The following IZUMO4 variants were observed in gnomAD, a reference collection of about 807,000 sequenced individuals.
IZUMO4 encodes the protein izumo sperm-egg fusion protein 4.
In IZUMO4, 51 loss-of-function variants were observed where a neutral mutation model predicts 37.1. The observed-to-expected ratio is 1.38, with a 90% CI of 1.10 to 1.74. IZUMO4 has a LOEUF of 1.74. Ranked by LOEUF, IZUMO4 falls within the 40% of genes most tolerant of loss-of-function variation. IZUMO4 has a pLI of 0.00. For synonymous variants in IZUMO4, 162 were observed against 121.4 expected (o/e 1.33, Z -2.20); for missense variants, 364 against 299.6 (o/e 1.21, Z -1.59).
rs978303675 is a variant in IZUMO4, at chr19:2,097,810, C to T, written c.371-119C>T. The stretch of plus-strand genomic sequence containing the variant: ...GCCATGGACACACATACATGAAAAC[C>T]AGGTGAGCCTGGGCCCCAGTGCCGA... On this transcript the variant is annotated intron_variant, in intron 3 of 9. Coordinates refer to ENST00000395301, the MANE Select transcript of IZUMO4 (RefSeq NM_001039846.2). 7.0e-6 allele frequency: 9 copies of T among 1,293,076 alleles called. No homozygotes were observed. The African/African-American group carries it at 1.3e-4, about 19-fold the overall frequency. The allele number at this position is 1,293,076 out of a possible 1,614,324, so 80.1% of individuals were successfully genotyped here. A position where few individuals can be genotyped will look rare whatever the true frequency, so the allele number is the denominator to read the frequency against.
At chr19:2,098,717 C>G (rs1331798673) in intron 7 of IZUMO4, 70 bp from the exon 8 acceptor site, 2 of 1,596,428 alleles carry the variant, frequency 1.3e-6, no homozygotes, top group African/African-American at 2.7e-5. Context: ...GTGGTCAGAG[C>G]CTGGGAGGGT....
chr19:2,098,524 C>T, intron 7 of IZUMO4, 74 bp downstream of exon 7: 1 of 1,609,708 alleles, frequency 6.2e-7, no homozygotes, highest in Non-Finnish European at 8.5e-7. Flanking sequence ...GTGTGGGGCA[C>T]AGGCTGGCTC....
rs914275982 is a variant in IZUMO4 at position 2,099,144 on chromosome 19, G to A, written c.609-111G>A. ...CCAGGCACGAGGGTGTCGTGGATGT[G>A]GCCACACATAGGACCACACGTCCCA... On this transcript the variant is annotated intron_variant, in intron 9 of 9. Transcript: ENST00000395301. 1.6e-5 allele frequency: 22 copies of A among 1,383,040 alleles called. No individual in the cohort carries two copies. The Admixed American group carries it at 3.5e-4, about 22-fold the overall frequency. 85.7% of individuals were successfully genotyped at this position (1,383,040 alleles called of 1,614,324 possible).
chr19:2,098,864 T>G, intron 8 of IZUMO4, 60 bp downstream of exon 8: 10 of 1,433,514 alleles, frequency 7.0e-6, no homozygotes, highest in Non-Finnish European at 7.7e-6. Flanking sequence ...GGAGGGGGGC[T>G]AGGGGGTCCT....
At position 2,098,453 on chromosome 19, in the gene IZUMO4, A is replaced by C. The variant is rs778389249; in HGVS notation, c.536+3A>C. 73 of 1,613,780 alleles carry C rather than the reference A, an allele frequency of 4.5e-5. 1 individual carries two copies. Among genetic ancestry groups the C allele is most frequent in the South Asian group, 1.4e-4 (13 of 91,094 alleles). On this transcript the variant is annotated splice_donor_region_variant and intron_variant, in intron 7 of 9. Coordinates refer to ENST00000395301, the MANE Select transcript of IZUMO4 (RefSeq NM_001039846.2). The stretch of plus-strand genomic sequence containing the variant: ...CTTTGTAGAAATAACTGGCACAAGT[A>C]AGTCCCCTCCTCAAACCAACACAGG...
rs989334309 is a variant in IZUMO4, at chr19:2,097,070, G to A, written c.125G>A (p.Trp42Ter). 5.6e-6 allele frequency: 9 copies of A among 1,612,858 alleles called. No homozygotes were observed. Among genetic ancestry groups the A allele is most frequent in the Non-Finnish European group, 7.6e-6 (9 of 1,179,934 alleles). Residue 42 changes from tryptophan to a stop codon, truncating the protein, a stop_gained, in exon 1 of 10, where the codon TGG becomes TAG. Coordinates refer to ENST00000395301, the MANE Select transcript of IZUMO4 (RefSeq NM_001039846.2). LOFTEE classifies it high-confidence loss of function. ...YRHHVNFKSW[W>*]VGDIPVSGAL... Reference sequence around the variant, plus strand: ...CACCATGTGAACTTCAAGTCCTGGTGGGTGGGCGACATCCCCGTGTCAGGG... The same window carrying A: ...CACCATGTGAACTTCAAGTCCTGGTAGGTGGGCGACATCCCCGTGTCAGGG...
At chr19:2,098,363 C>A in intron 6 of IZUMO4, 29 bp downstream of exon 6, 1 of 1,613,982 alleles carries the variant, frequency 6.2e-7, no homozygotes, top group Non-Finnish European at 8.5e-7. Flanking sequence ...TGGCAGCAAG[C>A]TCACCTGGGC....
In IZUMO4 at chr19:2,097,035, C is replaced by G. The variant is rs757861277; in HGVS notation, c.90C>G (p.Ser30=). The G allele has an allele frequency of 6.2e-7, 1 of 1,612,414 alleles. No individual in the cohort carries two copies. The highest frequency in any genetic ancestry group is 1.3e-5 in the African/African-American group (1 of 74,928). Residue 30 remains serine, a synonymous_variant, in exon 1 of 10, where the codon TCC becomes TCG. Transcript: ENST00000395301. ...HCHSNFSKKF[S]FYRHHVNFKS... is the part of the protein sequence containing the mutation. ...ACAGCAACTTCTCCAAGAAGTTCTCCTTCTACCGCCACCATGTGAACTTCA... is the reference window on the plus strand; with the variant it reads ...ACAGCAACTTCTCCAAGAAGTTCTCGTTCTACCGCCACCATGTGAACTTCA...
At chr19:2,098,593 C>G in intron 7 of IZUMO4, 143 bp downstream of exon 7, 1 of 1,591,806 alleles carries the variant, frequency 6.3e-7, no homozygotes, top group Admixed American at 1.7e-5. Context: ...CCCAGCTCTG[C>G]GCAGGAGGCG....
At position 2,099,042 on chromosome 19, in the gene IZUMO4, G is replaced by C. The variant is rs766528076; in HGVS notation, c.608+13G>C. On this transcript the variant is annotated intron_variant, in intron 9 of 9. Transcript: ENST00000395301. ...CCACCCCGGCCTTGTGAGTGACCCA[G>C]AGAAGGGAGGCCTCGGGAGAAGGGG... 6.2e-6 allele frequency: 10 copies of C among 1,612,248 alleles called. No individual in the cohort carries two copies. The highest frequency in any genetic ancestry group is 1.1e-5 in the South Asian group (1 of 91,080).
rs188368154 is a variant in IZUMO4, at chr19:2,099,156, G to A, written c.609-99G>A. 5.1e-3 allele frequency: 7,043 copies of A among 1,384,230 alleles called. 23 individuals carry two copies. Among genetic ancestry groups the A allele is most frequent in the Non-Finnish European group, 6.4e-3 (6,245 of 972,588 alleles). The allele number at this position is 1,384,230 out of a possible 1,614,324, so 85.7% of individuals were successfully genotyped here. ...GTGTCGTGGATGTGGCCACACATAGGACCACACGTCCCAGCTGGGAGGAGA... is the reference window on the plus strand; with the variant it reads ...GTGTCGTGGATGTGGCCACACATAGAACCACACGTCCCAGCTGGGAGGAGA... On this transcript the variant is annotated intron_variant, in intron 9 of 9. Coordinates refer to ENST00000395301, the MANE Select transcript of IZUMO4 (RefSeq NM_001039846.2).
In IZUMO4 at chr19:2,097,416, C is replaced by T. The variant is rs751323059; in HGVS notation, c.299-8C>T. 17 of 1,611,626 alleles carry T rather than the reference C, an allele frequency of 1.1e-5. No homozygotes were observed. The highest frequency in any genetic ancestry group is 4.0e-5 in the African/African-American group (3 of 74,846). ...TGAGCCTGACCTTCTCCTGCCTCGA[C>T]GACTCAGGGTATTTCCCCAACGAGC... On this transcript the variant is annotated splice_polypyrimidine_tract_variant and splice_region_variant and intron_variant, in intron 2 of 9. Transcript: ENST00000395301.
chr19:2,099,241 T>C lies in IZUMO4; in HGVS notation c.609-14T>C. On this transcript the variant is annotated splice_polypyrimidine_tract_variant and intron_variant, in intron 9 of 9. Transcript: ENST00000395301. ...GGGGACATGGAGAGCTGAGGCAGCC[T>C]CGTCTCCCCGCAGCCTGGTATCGCC... is the stretch of plus-strand genomic sequence containing the variant. 2 of 1,609,364 alleles carry C rather than the reference T, an allele frequency of 1.2e-6. No homozygotes were observed. Among genetic ancestry groups the C allele is most frequent in the Non-Finnish European group, 1.7e-6 (2 of 1,176,492 alleles).
Position 2,098,284 on chromosome 19 carries a change from C to T in IZUMO4, c.474-3C>T, listed in dbSNP as rs1278527613. 1.2e-6 allele frequency: 2 copies of T among 1,613,862 alleles called. No homozygotes were observed. Among genetic ancestry groups the T allele is most frequent in the African/African-American group, 1.3e-5 (1 of 75,044 alleles). On this transcript the variant is annotated splice_region_variant and splice_polypyrimidine_tract_variant and intron_variant, in intron 5 of 9. Transcript: ENST00000395301. ...GCACCACTTCCAAGCCTGTGTCCCA[C>T]AGGTCCTCGGCGCAGTGGAAGTCAG...
chr19:2,097,381 G>T (rs762788533), intron 2 of IZUMO4, 43 bp from the exon 3 acceptor site: 1 of 637,322 alleles, frequency 1.6e-6, no homozygotes, highest in African/African-American at 1.9e-5. Context: ...GGGACACCCC[G>T]CCCACCGCCT....
At chr19:2,098,487 G>GTA in intron 7 of IZUMO4, 37 bp downstream of exon 7, 1 of 1,613,308 alleles carries the variant, frequency 6.2e-7, no homozygotes, top group Non-Finnish European at 8.5e-7. Context: ...GGCAGTGTGT[G>GTA]TATGTGAGCA....
intron 7 of IZUMO4, 115 bp from the exon 8 acceptor site, chr19:2,098,672 C>T (rs1019403082): frequency 6.4e-7 from 1 of 1,562,326 alleles, no homozygotes; most frequent in African/African-American, 1.4e-5. Flanking sequence ...CCTAAAGGGT[C>T]CCCATAGGGT....
At chr19:2,098,014 G>A in intron 4 of IZUMO4, 38 bp from the exon 5 acceptor site, 4 of 1,613,190 alleles carry the variant, frequency 2.5e-6, no homozygotes, top group Non-Finnish European at 3.4e-6. Flanking sequence ...GGCCCTGGAG[G>A]CTGAGGGGAG....
In IZUMO4 at chr19:2,097,017, C is replaced by G; in HGVS notation, c.72C>G (p.Asn24Lys). ...ACGGCTGTCTGCACTGCCACAGCAA[C>G]TTCTCCAAGAAGTTCTCCTTCTACC... ...LAHGCLHCHS[N>K]FSKKFSFYRH... is the part of the protein sequence containing the mutation. Residue 24 changes from asparagine to lysine, a missense_variant, in exon 1 of 10, where the codon AAC (asparagine) becomes AAG (lysine). By Grantham distance (94) the Asn-to-Lys change is moderately conservative. Transcript: ENST00000395301. The G allele has an allele frequency of 6.2e-7, 1 of 1,612,004 alleles. No individual in the cohort carries two copies. Among genetic ancestry groups the G allele is most frequent in the Non-Finnish European group, 8.5e-7 (1 of 1,179,906 alleles).
Sources: gnomAD v4.1 joint callset for allele counts on GRCh38, gnomAD v4.1.1 for gene constraint, MANE v1.5 for transcripts, NCBI Gene and HGNC (gene_info 2026-07-23, HGNC 2026-07-21) for gene names.